The following SYT17 variants were observed in gnomAD, a reference collection of about 807,000 sequenced individuals.
The protein encoded by SYT17 is synaptotagmin-17.
Under a neutral mutation model 46.7 loss-of-function variants are expected in SYT17, and 22 were observed. That is an observed-to-expected ratio of 0.47 (90% CI 0.34 to 0.67). The LOEUF (loss-of-function observed/expected upper bound fraction) is 0.67. SYT17 is among the 30% of genes least tolerant of loss of function. SYT17 has a pLI of 0.01. For missense variants in SYT17, 519 were observed against 612.8 expected (o/e 0.85, Z 1.62); for synonymous variants, 251 against 248.4 (o/e 1.01, Z -0.10).
intron 5 of SYT17, among the ~76,000 whole-genome samples, chr16:19,191,910 A>C (rs2142666432): frequency 6.6e-6 from 1 of 151,960 alleles, no homozygotes; most frequent in Non-Finnish European, 1.5e-5. Context: ...CCAGCCTCTC[A>C]AGTTGCTGGG....
chr16:19,218,663 G>A (rs529285048), intron 5 of SYT17, among the ~76,000 whole-genome samples: 1 of 152,180 alleles, frequency 6.6e-6, no homozygotes, highest in African/African-American at 2.4e-5. Flanking sequence ...GGCTTGAGGG[G>A]CTCTTAGGTA....
intron 5 of SYT17, among the ~76,000 whole-genome samples, chr16:19,213,769 A>G (rs1455264491): frequency 6.6e-6 from 1 of 151,908 alleles, no homozygotes. Context: ...GCCTCAACCC[A>G]TCTTCCCACC....
chr16:19,231,523 C>CAAAA (rs143448107), intron 7 of SYT17, among the ~76,000 whole-genome samples: 72 of 45,844 alleles, frequency 1.6e-3, no homozygotes, highest in African/African-American at 3.1e-3. Flanking sequence ...AACTCCATCA[C>CAAAA]AAAAAAAAAA....
intron 5 of SYT17, among the ~76,000 whole-genome samples, chr16:19,213,473 C>T (rs894330173): frequency 2.0e-5 from 3 of 152,200 alleles, no homozygotes; most frequent in Non-Finnish European, 2.9e-5. Flanking sequence ...GAGTTGTTTA[C>T]TGAAACCAAG....
At chr16:19,188,260 C>T (rs765938996) in intron 5 of SYT17, among the ~76,000 whole-genome samples, 2 of 152,066 alleles carry the variant, frequency 1.3e-5, no homozygotes, top group Non-Finnish European at 2.9e-5. Context: ...TCCGTGTTCT[C>T]ACTTGTAAGT....
At chr16:19,236,481 TCTGAGGTCTCTAGGA>T (rs1295759391) in intron 7 of SYT17, among the ~76,000 whole-genome samples, 2 of 152,144 alleles carry the variant, frequency 1.3e-5, no homozygotes, top group African/African-American at 4.8e-5. Context: ...AGCTGTAAGT[TCTGAGGTCTCTAGGA>T]CTACCTCCCT....
At chr16:19,243,711 G>A (rs945433177) in intron 7 of SYT17, among the ~76,000 whole-genome samples, 48 of 151,260 alleles carry the variant, frequency 3.2e-4, no homozygotes, top group African/African-American at 1.2e-3. Context: ...CCAGCTACTC[G>A]GGAGGCTGAG....
In SYT17 at chr16:19,183,244, A is replaced by G. The variant is rs908808037; in HGVS notation, c.332-284A>G. Among the ~76,000 whole-genome samples the G allele has an allele frequency of 1.6e-4, 24 of 152,226 alleles. No homozygotes were observed. Among genetic ancestry groups the G allele is most frequent in the African/African-American group, 4.1e-4 (17 of 41,456 alleles). ...AAGTGGGGATAATAGTAATTATCTAATAATTCAAGGGGATGTGAAGATTGT... is the reference window on the plus strand; with the variant it reads ...AAGTGGGGATAATAGTAATTATCTAGTAATTCAAGGGGATGTGAAGATTGT... On this transcript the variant is annotated intron_variant, in intron 4 of 7. Transcript: ENST00000355377. This position sits in a 1 kb window ranked among gnomAD's most constrained non-coding sequence, Gnocchi z 5.6.
chr16:19,260,503 C>CAAAA (rs58392770), intron 7 of SYT17, among the ~76,000 whole-genome samples: 5 of 76,194 alleles, frequency 6.6e-5, no homozygotes, highest in Non-Finnish European at 1.1e-4. Context: ...GACCTTGTCT[C>CAAAA]AAAAAAAAAA....
chr16:19,233,048 C>T (rs1966762385), intron 7 of SYT17, among the ~76,000 whole-genome samples: 1 of 152,110 alleles, frequency 6.6e-6, no homozygotes, highest in African/African-American at 2.4e-5. Flanking sequence ...TTCAAAGCTC[C>T]CAGGTGGCTC....
At chr16:19,207,830 G>A (rs1400589689) in intron 5 of SYT17, among the ~76,000 whole-genome samples, 2 of 152,086 alleles carry the variant, frequency 1.3e-5, no homozygotes, top group Admixed American at 1.3e-4. Flanking sequence ...GAGGCCAGGA[G>A]TTCAAGGCTG....
chr16:19,208,843 A>G (rs1183279834), intron 5 of SYT17, among the ~76,000 whole-genome samples: 2 of 146,400 alleles, frequency 1.4e-5, no homozygotes, highest in Non-Finnish European at 3.0e-5. Flanking sequence ...ACCCTACTCC[A>G]GTATAACCTT....
chr16:19,258,208 T>A lies in SYT17; in HGVS notation c.1229-8672T>A, dbSNP rs76376187. Among the ~76,000 whole-genome samples the A allele has an allele frequency of 4.5e-4, 69 of 152,206 alleles. 1 individual carries two copies. Among genetic ancestry groups the A allele is most frequent in the Admixed American group, 1.7e-3 (26 of 15,284 alleles). On this transcript the variant is annotated intron_variant, in intron 7 of 7. Transcript: ENST00000355377. ...CCCTTCACCCTCTAGAACTCACTCT[T>A]CTCAGCTGTAAAATGAGCCAGTGAA...
At chr16:19,202,266 C>T (rs1478925597) in intron 5 of SYT17, among the ~76,000 whole-genome samples, 2 of 152,156 alleles carry the variant, frequency 1.3e-5, no homozygotes, top group Admixed American at 1.3e-4. Context: ...TCCCACGACC[C>T]CCTCCTCAAG....
intron 5 of SYT17, among the ~76,000 whole-genome samples, chr16:19,186,187 G>A (rs923442850): frequency 6.6e-6 from 1 of 152,108 alleles, no homozygotes; most frequent in African/African-American, 2.4e-5. Flanking sequence ...AAGTATTCAT[G>A]TGTATAGGGC....
chr16:19,196,549 AT>A (rs5816034), intron 5 of SYT17, among the ~76,000 whole-genome samples: 100,964 of 150,576 alleles, frequency 0.67, 34,134 homozygotes, highest in Middle Eastern at 0.75. Flanking sequence ...CAGCTGAAGA[AT>A]TTTTTTTTTT....
rs570311914 is a variant in SYT17 at position 19,175,562 on chromosome 16, G to T, written c.182+1984G>T. On this transcript the variant is annotated intron_variant, in intron 3 of 7. Coordinates refer to ENST00000355377, the MANE Select transcript of SYT17 (RefSeq NM_016524.4). ...GTTCTTCGGGAGGCTGAGTTGGAAG[G>T]ATCGTTTGAGCCTGGAAAGTCAGGG... 3.8e-3 allele frequency among the ~76,000 whole-genome samples: 559 copies of T among 147,116 alleles called. 3 individuals carry two copies. The highest frequency in any genetic ancestry group is 3.8e-3 in the Non-Finnish European group (255 of 67,356).
chr16:19,185,973 C>T (rs1964773303), intron 5 of SYT17, among the ~76,000 whole-genome samples: 1 of 152,150 alleles, frequency 6.6e-6, no homozygotes, highest in Non-Finnish European at 1.5e-5. Flanking sequence ...GCTGAGCCTT[C>T]TTGCGGTAGA....
rs577100711 is a variant in SYT17 at position 19,211,740 on chromosome 16, C to A, written c.952-11305C>A. The stretch of plus-strand genomic sequence containing the variant: ...TCCCGGGTTCACGGCATTCCCCTGC[C>A]TCAGCCTCCCAAGTAGCTGGGACTA... On this transcript the variant is annotated intron_variant, in intron 5 of 7. Transcript: ENST00000355377. 1.8e-4 allele frequency among the ~76,000 whole-genome samples: 28 copies of A among 152,206 alleles called. No homozygotes were observed. In the South Asian group the frequency reaches 5.2e-3, roughly 28 times the overall value.
Sources: allele counts gnomAD v4.1 joint callset (sites outside exome capture counted in the v4.1 genomes callset), GRCh38; gene constraint gnomAD v4.1.1; non-coding constraint Gnocchi (gnomAD v3.1); transcripts MANE v1.5; gene names NCBI Gene and HGNC (gene_info 2026-07-23, HGNC 2026-07-21).